The following GARIN5B variants were observed in gnomAD, a reference collection of about 807,000 sequenced individuals.
GARIN5B encodes the protein golgi associated RAB2 interactor family member 5B, also known as Golgi-associated RAB2 interactor protein 5B.
At chr19:55,362,121 T>C in the GARIN5B span, 2 of 1,303,008 alleles carry the variant, frequency 1.5e-6, no homozygotes, top group Non-Finnish European at 2.0e-6. Flanking sequence ...CAGCCCCTCC[T>C]CCCTCTACTC....
chr19:55,358,087 A>G, the GARIN5B span: 3 of 1,351,582 alleles, frequency 2.2e-6, no homozygotes, highest in South Asian at 4.0e-5. Context: ...AAGAGTGATC[A>G]TCTCTGTCTC....
chr19:55,361,795 T>C, the GARIN5B span, among the ~76,000 whole-genome samples: 1 of 89,786 alleles, frequency 1.1e-5, no homozygotes, highest in Non-Finnish European at 2.4e-5. Context: ...CCACAGCCCC[T>C]CCTCCCTCAG....
chr19:55,362,163 C>G, the GARIN5B span: 1 of 1,434,496 alleles, frequency 7.0e-7, no homozygotes, highest in Non-Finnish European at 9.1e-7. Context: ...AGACTTTGGG[C>G]TCTTGGTCGC....
the GARIN5B span, chr19:55,360,038 G>C: frequency 6.8e-7 from 1 of 1,474,234 alleles, no homozygotes. Flanking sequence ...CCCCAGACCC[G>C]GGAGGGCAGA....
the GARIN5B span, chr19:55,355,060 G>A: frequency 9.1e-6 from 3 of 329,874 alleles, no homozygotes; most frequent in South Asian, 8.1e-5. Flanking sequence ...TCAACATTCC[G>A]CTTCCTACAG....
chr19:55,359,867 G>C, the GARIN5B span: 2 of 1,551,520 alleles, frequency 1.3e-6, no homozygotes, highest in African/African-American at 2.7e-5. Flanking sequence ...CGGGTCCAGG[G>C]AGCTGCAGGA....
chr19:55,359,817 C>T, the GARIN5B span: 1 of 1,551,450 alleles, frequency 6.4e-7, no homozygotes, highest in South Asian at 1.2e-5. Flanking sequence ...GTGCTGCCCC[C>T]AGAGTCCATG....
At chr19:55,356,542 G>A in the GARIN5B span, among the ~76,000 whole-genome samples, 1 of 151,882 alleles carries the variant, frequency 6.6e-6, no homozygotes, top group East Asian at 2.0e-4. Context: ...TCCTGACCTC[G>A]TGATCCACCC....
chr19:55,355,039 C>G, the GARIN5B span: 18 of 300,330 alleles, frequency 6.0e-5, no homozygotes, highest in South Asian at 6.0e-5. Flanking sequence ...GCAAATCCCC[C>G]CAAGCGGCTT....
the GARIN5B span, chr19:55,362,652 G>C: frequency 6.5e-7 from 1 of 1,547,236 alleles, no homozygotes; most frequent in Non-Finnish European, 8.7e-7. Context: ...GCAACACCAG[G>C]CCTGGCAGGG....
At chr19:55,356,457 G>A in the GARIN5B span, among the ~76,000 whole-genome samples, 4 of 151,650 alleles carry the variant, frequency 2.6e-5, no homozygotes, top group Non-Finnish European at 4.4e-5. Flanking sequence ...ACTGCAACCC[G>A]TCGCCATGCC....
chr19:55,359,177 A>C, the GARIN5B span: 1 of 1,551,302 alleles, frequency 6.4e-7, no homozygotes, highest in Admixed American at 2.0e-5. Flanking sequence ...CAACACGTCA[A>C]AATCGCCAGG....
the GARIN5B span, chr19:55,362,834 C>T: frequency 7.8e-5 from 115 of 1,471,664 alleles, 1 homozygote; most frequent in East Asian, 2.5e-4. Flanking sequence ...TGCTAAATCC[C>T]GTTCCCTCTC....
At chr19:55,362,923 A>T in the GARIN5B span, 2 of 1,501,878 alleles carry the variant, frequency 1.3e-6, no homozygotes, top group Non-Finnish European at 1.8e-6. Flanking sequence ...AGACCTGAAC[A>T]AAGTTACTCT....
the GARIN5B span, chr19:55,361,293 C>T: frequency 6.5e-7 from 1 of 1,546,064 alleles, no homozygotes; most frequent in Non-Finnish European, 8.7e-7. Context: ...GCACGAGGAC[C>T]TACCCCAGGA....
the GARIN5B span, chr19:55,362,550 G>A: frequency 6.5e-7 from 1 of 1,527,806 alleles, no homozygotes; most frequent in Non-Finnish European, 8.8e-7. Flanking sequence ...GGTGGAGGGG[G>A]CGGCCGAGGG....
the GARIN5B span, chr19:55,360,733 A>G: frequency 9.0e-6 from 14 of 1,551,626 alleles, no homozygotes; most frequent in South Asian, 9.5e-5. Context: ...GCTGGAAATG[A>G]TGCTGAAGAT....
the GARIN5B span, chr19:55,358,378 C>A: frequency 2.6e-5 from 39 of 1,510,618 alleles, 2 homozygotes; most frequent in South Asian, 4.6e-4. Flanking sequence ...CCGAGAGGGG[C>A]GATGGCCGTA....
At chr19:55,355,315 C>T in the GARIN5B span, 1 of 1,550,334 alleles carries the variant, frequency 6.5e-7, no homozygotes, top group Non-Finnish European at 8.7e-7. Flanking sequence ...CCCCCGCATC[C>T]GGCCACTCGG....
Sources: allele counts gnomAD v4.1 joint callset (sites outside exome capture counted in the v4.1 genomes callset), GRCh38; gene constraint gnomAD v4.1.1; transcripts MANE v1.5; gene names NCBI Gene and HGNC (gene_info 2026-07-23, HGNC 2026-07-21).